Variants in PIK3C2G observed in about 807,000 individuals in gnomAD.
The protein encoded by PIK3C2G is phosphatidylinositol 3-kinase C2 domain-containing subunit gamma.
In PIK3C2G, 168 loss-of-function variants were observed where a neutral mutation model predicts 181.1. The ratio of observed to expected loss-of-function variants is 0.93; its 90% confidence interval spans 0.82 to 1.05. PIK3C2G has a LOEUF of 1.05. PIK3C2G is among the 50% of genes least tolerant of loss of function. PIK3C2G has a pLI of 0.00. For synonymous variants in PIK3C2G, 573 were observed against 592.2 expected (o/e 0.97, Z 0.47); for missense variants, 1,869 against 1,732.8 (o/e 1.08, Z -1.40).
intron 18 of PIK3C2G, among the ~76,000 whole-genome samples, chr12:18,440,294 T>G (rs1946672121): frequency 6.6e-6 from 1 of 152,098 alleles, no homozygotes; most frequent in South Asian, 2.1e-4. Flanking sequence ...GCACCTTCCA[T>G]GAGTTAAGCC....
chr12:18,652,316 C>A (rs2136899305), downstream of PIK3C2G, among the ~76,000 whole-genome samples: 1 of 152,080 alleles, frequency 6.6e-6, no homozygotes, highest in East Asian at 1.9e-4. Context: ...CACAGATCTG[C>A]ACAGAAGGAA....
At chr12:18,404,913 T>C (rs1476266743) in intron 16 of PIK3C2G, among the ~76,000 whole-genome samples, 1 of 151,930 alleles carries the variant, frequency 6.6e-6, no homozygotes, top group Non-Finnish European at 1.5e-5. Context: ...AGATAGATAA[T>C]AGATATTGAA....
Position 18,609,628 on chromosome 12 carries a change from T to A in PIK3C2G, c.4181T>A (p.Ile1394Asn), listed in dbSNP as rs767919081. The change falls in exon 31 of 33, where the codon ATT (isoleucine) becomes AAT (asparagine). Residue 1394 changes from isoleucine to asparagine, a missense_variant and splice_region_variant. Transcript: ENST00000538779. ...ATACTAGTGAAACACATGAAAAACA[T>A]TGTAAGTTTATTATGTATAATAAGA... ...LTILVKHMKN[I>N]HLPDGSAPSA... The A allele has an allele frequency of 6.5e-7, 1 of 1,533,288 alleles. No individual in the cohort carries two copies. The highest frequency in any genetic ancestry group is 8.9e-7 in the Non-Finnish European group (1 of 1,124,396). 95.0% of individuals were successfully genotyped at this position (1,533,288 alleles called of 1,614,324 possible).
chr12:18,378,319 C>CCA (rs144529189), intron 13 of PIK3C2G, among the ~76,000 whole-genome samples: 22,056 of 151,940 alleles, frequency 0.15, 2,066 homozygotes, highest in Admixed American at 0.27. Flanking sequence ...TGAGTTCCCC[C>CCA]CCCCGTAACT....
At chr12:18,469,136 A>C (rs1375642638) in intron 18 of PIK3C2G, among the ~76,000 whole-genome samples, 1 of 152,128 alleles carries the variant, frequency 6.6e-6, no homozygotes, top group African/African-American at 2.4e-5. Flanking sequence ...TAGTATTTTC[A>C]ATCTTTATTT....
chr12:18,317,746 T>C (rs534974307), intron 6 of PIK3C2G, among the ~76,000 whole-genome samples: 1 of 152,334 alleles, frequency 6.6e-6, no homozygotes, highest in East Asian at 1.9e-4. Flanking sequence ...TCATTTGGCC[T>C]TCTATAAAAA....
At chr12:18,477,691 C>G (rs991584691) in intron 18 of PIK3C2G, among the ~76,000 whole-genome samples, 1 of 152,088 alleles carries the variant, frequency 6.6e-6, no homozygotes, top group Non-Finnish European at 1.5e-5. Flanking sequence ...AAACACAACT[C>G]CAGATCTTAT....
At chr12:18,559,779 TATATATATATATATA>T (rs1945205512) in intron 26 of PIK3C2G, among the ~76,000 whole-genome samples, 3 of 35,860 alleles carry the variant, frequency 8.4e-5, no homozygotes, top group Non-Finnish European at 1.3e-4. Flanking sequence ...TATGAAATTA[TATATATATATATATA>T]TATATATATA....
intron 24 of PIK3C2G, among the ~76,000 whole-genome samples, chr12:18,534,167 C>T (rs1943715310): frequency 6.6e-6 from 1 of 151,814 alleles, no homozygotes; most frequent in Admixed American, 6.6e-5. Flanking sequence ...TCAGACTGGC[C>T]TCAAGCTCCT....
chr12:18,696,322 CTATATATATATATATATATA>C, the PIK3C2G span: 1 of 263,570 alleles, frequency 3.8e-6, no homozygotes, highest in Admixed American at 5.5e-5. Context: ...TAAAAAGCCA[CTATATATATATATATATATA>C]TATATATATC....
the PIK3C2G span, among the ~76,000 whole-genome samples, chr12:18,675,672 C>G: frequency 6.6e-6 from 1 of 152,200 alleles, no homozygotes; most frequent in African/African-American, 2.4e-5. Context: ...TATATCTATA[C>G]CATGGAATAC....
In PIK3C2G at chr12:18,389,520, G is replaced by A. The variant is rs12299920; in HGVS notation, c.1996-1602G>A. 3.1e-3 allele frequency among the ~76,000 whole-genome samples: 465 copies of A among 152,236 alleles called. 1 individual carries two copies. Among genetic ancestry groups the A allele is most frequent in the African/African-American group, 9.4e-3 (389 of 41,528 alleles). On this transcript the variant is annotated intron_variant, in intron 14 of 32. Transcript: ENST00000538779. Reference sequence around the variant, plus strand: ...CCCTATTTTAATTGTTAATGTGTGCGCCTTTTCTCCTCAATTAAACTTTAA... The same window carrying A: ...CCCTATTTTAATTGTTAATGTGTGCACCTTTTCTCCTCAATTAAACTTTAA...
Position 18,290,871 on chromosome 12 carries a change from C to T in PIK3C2G, c.778C>T (p.His260Tyr), listed in dbSNP as rs983678396. ...NKVKKIRERY[H>Y]AADVNFNSGK... ...GTTTTTCAGAATCAGAGAAAGATAT[C>T]ATGCAGCTGATGTTAATTTCAATTC... Residue 260 changes from histidine to tyrosine, a missense_variant, in exon 4 of 33, where the codon CAT (histidine) becomes TAT (tyrosine). By Grantham distance (83) the His-to-Tyr change is moderately conservative. Coordinates refer to ENST00000538779, the MANE Select transcript of PIK3C2G (RefSeq NM_001288772.2). The T allele has an allele frequency of 6.2e-7, 1 of 1,601,382 alleles. No homozygotes were observed. Among genetic ancestry groups the T allele is most frequent in the Non-Finnish European group, 8.6e-7 (1 of 1,169,460 alleles).
chr12:18,646,936 CA>C (rs1950170047), intron 32 of PIK3C2G, among the ~76,000 whole-genome samples: 1 of 151,424 alleles, frequency 6.6e-6, no homozygotes, highest in African/African-American at 2.4e-5. Context: ...AAAAAAAGAA[CA>C]AGACGTGAAA....
At chr12:18,615,468 C>G (rs1948566767) in intron 31 of PIK3C2G, among the ~76,000 whole-genome samples, 1 of 150,094 alleles carries the variant, frequency 6.7e-6, no homozygotes, top group African/African-American at 2.5e-5. Context: ...TTTTTTTTCA[C>G]TTGTTGGTTG....
At chr12:18,333,863 A>C (rs1938234413) in intron 8 of PIK3C2G, among the ~76,000 whole-genome samples, 1 of 152,208 alleles carries the variant, frequency 6.6e-6, no homozygotes, top group Non-Finnish European at 1.5e-5. Flanking sequence ...GTTTAAATGC[A>C]TACTGCTTTG....
chr12:18,479,390 G>A (rs1939335720), intron 18 of PIK3C2G, among the ~76,000 whole-genome samples: 1 of 152,074 alleles, frequency 6.6e-6, no homozygotes. Flanking sequence ...CAAGGGCTGG[G>A]GAGTCAGACA....
chr12:18,287,583 C>T (rs897613427), intron 3 of PIK3C2G, among the ~76,000 whole-genome samples: 3 of 152,238 alleles, frequency 2.0e-5, no homozygotes, highest in East Asian at 3.9e-4. Context: ...CAGTTGGGCG[C>T]GGTAGCTCAC....
chr12:18,352,668 G>A (rs933453056), intron 11 of PIK3C2G, among the ~76,000 whole-genome samples: 1 of 152,222 alleles, frequency 6.6e-6, no homozygotes, highest in Non-Finnish European at 1.5e-5. Context: ...TGAACAAATT[G>A]AAGATGGTAA....
Sources: gnomAD v4.1 joint callset for allele counts (sites outside exome capture counted in the v4.1 genomes callset) on GRCh38, gnomAD v4.1.1 for gene constraint, MANE v1.5 for transcripts, NCBI Gene and HGNC (gene_info 2026-07-23, HGNC 2026-07-21) for gene names.